Variants in WDR44 observed in about 807,000 individuals in gnomAD.
WDR44 encodes the protein WD repeat domain 44, also known as WD repeat-containing protein 44.
A neutral mutation model predicts 65.7 loss-of-function variants in WDR44; 9 were observed. That is an observed-to-expected ratio of 0.14 (90% CI 0.08 to 0.24). WDR44 has a LOEUF of 0.24. Among genes scored for constraint, WDR44 ranks in the 10% least tolerant of loss-of-function variants. The probability of loss-of-function intolerance (pLI) is 1.00; values close to 1 mark genes in which losing one functional copy is unlikely to be tolerated. For synonymous variants in WDR44, 220 were observed against 235.2 expected (o/e 0.94, Z 0.59); for missense variants, 425 against 670.9 (o/e 0.63, Z 4.05).
intron 1 of WDR44, among the ~76,000 whole-genome samples, chrX:118,369,822 A>G (rs773832619): frequency 4.5e-5 from 5 of 112,181 alleles, no homozygotes; most frequent in Admixed American, 9.5e-5. Flanking sequence ...TTCTATTTAT[A>G]TTGAAAGTTG....
chrX:118,410,249 C>T (rs1423227847), intron 11 of WDR44, among the ~76,000 whole-genome samples: 1 of 110,932 alleles, frequency 9.0e-6, no homozygotes, highest in Non-Finnish European at 1.9e-5. Context: ...AGGCTGCAAA[C>T]GAGAAGTAAA....
chrX:118,438,398 TC>T (rs66680459), intron 14 of WDR44, among the ~76,000 whole-genome samples: 17,524 of 104,141 alleles, frequency 0.17, 2,497 homozygotes, highest in African/African-American at 0.49. Context: ...TTGGTTGTGT[TC>T]GTTTTCTTTC....
chrX:118,384,136 A>G (rs1257976119), intron 2 of WDR44, among the ~76,000 whole-genome samples: 3 of 110,151 alleles, frequency 2.7e-5, no homozygotes, highest in African/African-American at 9.9e-5. Flanking sequence ...CTTCTTTCAT[A>G]TAAAACCAGG....
chrX:118,442,800 T>A, intron 17 of WDR44, 120 bp downstream of exon 17: 1 of 530,163 alleles, frequency 1.9e-6, no homozygotes, highest in Non-Finnish European at 3.2e-6. Context: ...AGTAGTAGTT[T>A]ATTATCATGC....
At chrX:118,443,115 T>C (rs913334934) in intron 17 of WDR44, among the ~76,000 whole-genome samples, 1 of 111,876 alleles carries the variant, frequency 8.9e-6, no homozygotes, top group African/African-American at 3.3e-5. Flanking sequence ...GGGTCTTGTA[T>C]TCAAAACTTT....
intron 14 of WDR44, among the ~76,000 whole-genome samples, chrX:118,438,047 GGAA>G: frequency 9.2e-6 from 1 of 109,050 alleles, no homozygotes; most frequent in South Asian, 3.9e-4. Context: ...AAAAAAAAGA[GGAA>G]GAAGACTTGG....
At chrX:118,372,390 A>G (rs1410785535) in intron 1 of WDR44, among the ~76,000 whole-genome samples, 1 of 111,557 alleles carries the variant, frequency 9.0e-6, no homozygotes, top group East Asian at 2.8e-4. Context: ...TTAGGCACAT[A>G]AACACTGAAA....
At chrX:118,427,688 T>G (rs1426737251) in intron 12 of WDR44, among the ~76,000 whole-genome samples, 1 of 106,872 alleles carries the variant, frequency 9.4e-6, no homozygotes, top group Non-Finnish European at 1.9e-5. Context: ...GGAATCTTTT[T>G]TTTTTTTTTT....
chrX:118,354,966 C>T (rs1399784546), intron 1 of WDR44, among the ~76,000 whole-genome samples: 6 of 112,141 alleles, frequency 5.4e-5, no homozygotes, highest in Non-Finnish European at 9.4e-5. Context: ...TTCTTTCTGA[C>T]ATTGTTCTTG....
Position 118,349,126 on chromosome X carries a change from G to A in WDR44, c.77+2546G>A, listed in dbSNP as rs527786418. Among the ~76,000 whole-genome samples the A allele has an allele frequency of 9.8e-5, 11 of 111,919 alleles. No homozygotes were observed. In the South Asian group the frequency reaches 4.1e-3, roughly 41 times the overall value. On this transcript the variant is annotated intron_variant, in intron 1 of 19. Coordinates refer to ENST00000254029, the MANE Select transcript of WDR44 (RefSeq NM_019045.5). ...GTTTTTTTAGAGACTTTTAATTCCA[G>A]TACAGCCTACTTTTCTACAGTGGCA...
chrX:118,406,466 T>C (rs1164602343), intron 9 of WDR44, among the ~76,000 whole-genome samples: 5 of 112,027 alleles, frequency 4.5e-5, no homozygotes, highest in African/African-American at 1.6e-4. Context: ...TATCTTAACC[T>C]CCTATGCTTT....
intron 8 of WDR44, among the ~76,000 whole-genome samples, chrX:118,401,994 C>T (rs749376708): frequency 9.4e-6 from 1 of 106,549 alleles, no homozygotes; most frequent in Non-Finnish European, 1.9e-5. Flanking sequence ...TGTCAACTTG[C>T]TGTTTTTTGT....
intron 1 of WDR44, among the ~76,000 whole-genome samples, chrX:118,377,294 A>T (rs987380569): frequency 4.5e-5 from 5 of 111,113 alleles, no homozygotes; most frequent in African/African-American, 6.6e-5. Context: ...CAGGAGGTCG[A>T]GGCTGCAGTG....
intron 1 of WDR44, among the ~76,000 whole-genome samples, chrX:118,364,232 A>G (rs1177283345): frequency 8.9e-6 from 1 of 112,532 alleles, no homozygotes; most frequent in Non-Finnish European, 1.9e-5. Context: ...CATCTTTAGC[A>G]AGTGCCAGTT....
At chrX:118,374,042 A>G (rs1409476123) in intron 1 of WDR44, among the ~76,000 whole-genome samples, 1 of 110,358 alleles carries the variant, frequency 9.1e-6, no homozygotes, top group African/African-American at 3.3e-5. Flanking sequence ...GCACCCATCA[A>G]TCCGTCATCT....
At chrX:118,367,378 T>C (rs1229525399) in intron 1 of WDR44, among the ~76,000 whole-genome samples, 1 of 111,762 alleles carries the variant, frequency 8.9e-6, no homozygotes, top group Non-Finnish European at 1.9e-5. Flanking sequence ...GCTAAAATTA[T>C]AGCTCTTGTA....
chrX:118,346,461 T>C lies in WDR44; in HGVS notation c.-43T>C. On this transcript the variant is annotated 5_prime_UTR_variant, in exon 1 of 20. Coordinates refer to ENST00000254029, the MANE Select transcript of WDR44 (RefSeq NM_019045.5). Reference sequence around the variant, plus strand: ...AGGAGGAGACAAGAGTCACCCTTCCTCCAGGCGGCGCCGGCCCCCTCACCC... The same window carrying C: ...AGGAGGAGACAAGAGTCACCCTTCCCCCAGGCGGCGCCGGCCCCCTCACCC... The C allele has an allele frequency of 2.6e-6, 3 of 1,156,675 alleles. No individual in the cohort carries two copies. The highest frequency in any genetic ancestry group is 3.5e-6 in the Non-Finnish European group (3 of 846,908).
intron 8 of WDR44, among the ~76,000 whole-genome samples, 186 bp downstream of exon 8, chrX:118,398,656 A>G (rs1415899674): frequency 8.9e-6 from 1 of 112,545 alleles, no homozygotes; most frequent in Non-Finnish European, 1.9e-5. Flanking sequence ...GCTGGGCGCA[A>G]TGGCTCACGC....
chrX:118,436,088 C>T (rs1233226048), intron 13 of WDR44, among the ~76,000 whole-genome samples: 2 of 111,932 alleles, frequency 1.8e-5, no homozygotes, highest in Admixed American at 9.5e-5. Context: ...GTTTCCTGGG[C>T]GATGGGGCCA....
Sources: gnomAD v4.1 joint callset for allele counts (sites outside exome capture counted in the v4.1 genomes callset) on GRCh38, gnomAD v4.1.1 for gene constraint, MANE v1.5 for transcripts, NCBI Gene and HGNC (gene_info 2026-07-23, HGNC 2026-07-21) for gene names.